BCAR1: variants seen among roughly 807,000 people sequenced by gnomAD.
BCAR1 encodes the protein BCAR1 scaffold protein, Cas family member.
In BCAR1, 30 loss-of-function variants were observed where a neutral mutation model predicts 67.6. The observed-to-expected ratio is 0.44, with a 90% CI of 0.33 to 0.60. The LOEUF is 0.60. BCAR1 is among the 20% of genes least tolerant of loss of function. BCAR1 has a pLI of 0.02. For synonymous variants in BCAR1, 626 were observed against 556.7 expected (o/e 1.12, Z -1.75); for missense variants, 1,313 against 1,222.3 (o/e 1.07, Z -1.11).
At chr16:75,244,518 T>C (rs77745994) in intron 1 of BCAR1, among the ~76,000 whole-genome samples, 1 of 152,336 alleles carries the variant, frequency 6.6e-6, no homozygotes, top group African/African-American at 2.4e-5. Flanking sequence ...CAGAGGGCGA[T>C]GGCATACCAG....
chr16:75,259,537 T>C (rs1433307950), intron 1 of BCAR1, among the ~76,000 whole-genome samples: 1 of 152,146 alleles, frequency 6.6e-6, no homozygotes, highest in Non-Finnish European at 1.5e-5. Flanking sequence ...CATCCATTAC[T>C]GGAACATTAC....
upstream of BCAR1, chr16:75,252,424 A>G: frequency 6.9e-7 from 1 of 1,447,102 alleles, no homozygotes; most frequent in Non-Finnish European, 9.1e-7. Flanking sequence ...AGATAGAAGG[A>G]AGAATCACTC....
At chr16:75,234,792 T>C in intron 5 of BCAR1, 97 bp downstream of exon 5, 1 of 1,480,126 alleles carries the variant, frequency 6.8e-7, no homozygotes, top group Non-Finnish European at 9.0e-7. Context: ...TGCAGGGCCT[T>C]GCCAGGGACC....
intron 6 of BCAR1, 114 bp from the exon 7 acceptor site, chr16:75,230,137 C>A: frequency 7.6e-7 from 1 of 1,310,170 alleles, no homozygotes; most frequent in Non-Finnish European, 1.0e-6. Context: ...ACTCAGAGTG[C>A]ATGGGACTGC....
At chr16:75,249,340 G>T (rs142328984) in intron 1 of BCAR1, 1 of 152,260 alleles carries the variant, frequency 6.6e-6, no homozygotes, top group African/African-American at 2.4e-5. Flanking sequence ...TTCTGCCCCA[G>T]GCTAGAATGT....
chr16:75,264,616 C>T (rs2077966440), intron 1 of BCAR1: 1 of 1,276,136 alleles, frequency 7.8e-7, no homozygotes. Flanking sequence ...AAATACATTA[C>T]CACTTCTGGA....
rs1035115286 is a variant in BCAR1 at position 75,248,268 on chromosome 16, G to A, written c.12+3203C>T. On this transcript the variant is annotated intron_variant, in intron 1 of 6. Transcript: ENST00000162330. ...CACCCCTCCTGTCCACGCCCCCAAC[G>A]CACACATGCACCCGCCCCAGCACAG... 165 of 1,453,508 alleles carry A rather than the reference G, an allele frequency of 1.1e-4. No individual in the cohort carries two copies. The African/African-American group carries it at 1.6e-3, about 15-fold the overall frequency. The allele number at this position is 1,453,508 out of a possible 1,614,324, so 90.0% of individuals were successfully genotyped here.
chr16:75,240,954 TC>T (rs575508875), intron 2 of BCAR1, among the ~76,000 whole-genome samples: 64 of 152,128 alleles, frequency 4.2e-4, no homozygotes, highest in African/African-American at 1.4e-3. Flanking sequence ...TCGCTGCTGC[TC>T]CCCAGCCCAC....
At position 75,233,845 on chromosome 16, in the gene BCAR1, C is replaced by A; in HGVS notation, c.2100+1G>T. The A allele has an allele frequency of 1.2e-6, 2 of 1,602,272 alleles. No homozygotes were observed. The highest frequency in any genetic ancestry group is 1.7e-6 in the Non-Finnish European group (2 of 1,174,624). On this transcript the variant is annotated splice_donor_variant, in intron 6 of 6. Transcript: ENST00000162330. LOFTEE classifies it high-confidence loss of function. ...GGCCTTGCTCTGCTCCGGGGCCTCACCTGCTGCAACTCCAGCTGGCTCTTG... is the reference window on the plus strand; with the variant it reads ...GGCCTTGCTCTGCTCCGGGGCCTCAACTGCTGCAACTCCAGCTGGCTCTTG...
At chr16:75,253,846 G>T (rs945992159), upstream of BCAR1, among the ~76,000 whole-genome samples, 10 of 152,204 alleles carry the variant, frequency 6.6e-5, no homozygotes, top group African/African-American at 2.4e-4. Flanking sequence ...CGCTGTCAAG[G>T]ACAGGGATGC....
chr16:75,248,370 T>G (rs2077582820), intron 1 of BCAR1: 2 of 1,264,040 alleles, frequency 1.6e-6, no homozygotes, highest in Admixed American at 3.4e-5. Flanking sequence ...GGGCCAAGTT[T>G]ATTTCTGGGG....
intron 1 of BCAR1, chr16:75,247,217 A>G (rs2077545840): frequency 6.5e-6 from 1 of 152,932 alleles, no homozygotes; most frequent in African/African-American, 2.4e-5. Flanking sequence ...ACTCCAGGGC[A>G]CGTGCACCAG....
Position 75,229,111 on chromosome 16 carries a change from A to T in BCAR1, c.*400T>A. ...AACCAATAACGAAAAATAGTTCTTC[A>T]GGTTCTTCTCCTGGTAAGGCGGAGG... On this transcript the variant is annotated 3_prime_UTR_variant, in exon 7 of 7. Coordinates refer to ENST00000162330, the MANE Select transcript of BCAR1 (RefSeq NM_014567.5). The T allele has an allele frequency of 5.4e-6, 1 of 183,716 alleles. No individual in the cohort carries two copies. The highest frequency in any genetic ancestry group is 2.3e-5 in the African/African-American group (1 of 42,886). The allele number at this position is 183,716 out of a possible 1,614,324, so 11.4% of individuals were successfully genotyped here. A position where few individuals can be genotyped will look rare whatever the true frequency, so the allele number is the denominator to read the frequency against.
upstream of BCAR1, chr16:75,252,009 C>T (rs2077692978): frequency 6.2e-6 from 4 of 646,702 alleles, no homozygotes; most frequent in East Asian, 8.4e-5. Flanking sequence ...TTGTCTTTCC[C>T]GCTAACCAAC....
At chr16:75,267,353 G>C (rs922578643) in intron 1 of BCAR1, among the ~76,000 whole-genome samples, 3 of 146,844 alleles carry the variant, frequency 2.0e-5, no homozygotes, top group African/African-American at 7.6e-5. Flanking sequence ...CCAGTGCTCA[G>C]CAAGGCATTG....
At chr16:75,251,788 C>T, upstream of BCAR1, 2 of 575,616 alleles carry the variant, frequency 3.5e-6, no homozygotes, top group Non-Finnish European at 4.4e-6. Flanking sequence ...GCCCCCCGCC[C>T]CGCCCCCCAC....
In BCAR1 at chr16:75,242,982, C is replaced by A. The variant is rs2077404109; in HGVS notation, c.121G>T (p.Asp41Tyr). 5.6e-6 allele frequency: 9 copies of A among 1,613,634 alleles called. No individual in the cohort carries two copies. The highest frequency in any genetic ancestry group is 6.8e-6 in the Non-Finnish European group (8 of 1,179,972). ...TGCAGCGAGCAGAGCCACCAGCCGT[C>A]CAGGCCCTGCGTGTCCTGCTCCAGC... ...TVLEQDTQGL[D>Y]GWWLCSLHGR... The change falls in exon 2 of 7, where the codon GAC becomes TAC. Residue 41 changes from aspartate (D) to tyrosine (Y), a missense_variant. Asp to Tyr is a radical substitution (Grantham distance 160). Around this residue, in one of 2 missense-constraint regions of BCAR1, gnomAD observed 41 missense variants for 84.8 expected, o/e 0.48. Transcript: ENST00000162330.
intron 4 of BCAR1, 158 bp from the exon 5 acceptor site, chr16:75,236,144 G>A (rs2077125657): frequency 8.9e-6 from 8 of 896,474 alleles, no homozygotes; most frequent in Admixed American, 2.9e-5. Context: ...AAATGCAGAG[G>A]CACGCACACA....
chr16:75,231,615 C>A (rs2076903909), intron 6 of BCAR1, among the ~76,000 whole-genome samples: 1 of 152,188 alleles, frequency 6.6e-6, no homozygotes, highest in Non-Finnish European at 1.5e-5. Context: ...TAAAGTTCTT[C>A]ACATATATTC....
Sources: gnomAD v4.1 joint callset for allele counts (sites outside exome capture counted in the v4.1 genomes callset) on GRCh38, gnomAD v4.1.1 for gene constraint, gnomAD v4.1.1 regional missense constraint, MANE v1.5 for transcripts, NCBI Gene and HGNC (gene_info 2026-07-23, HGNC 2026-07-21) for gene names.